UQCRC1: variants seen among roughly 807,000 people sequenced by gnomAD.
UQCRC1 encodes the protein ubiquinol-cytochrome c reductase core protein 1.
UQCRC1 carries 34 observed loss-of-function variants against 58.0 expected under a neutral mutation model. The ratio of observed to expected loss-of-function variants is 0.59; its 90% CI spans 0.45 to 0.78. The LOEUF (loss-of-function observed/expected upper bound fraction) is 0.78. Among genes scored for constraint, UQCRC1 ranks in the 30% least tolerant of loss-of-function variants. The pLI is 0.00. For missense variants in UQCRC1, 610 were observed against 646.0 expected, an observed-to-expected ratio of 0.94 and a Z score of 0.60; for synonymous variants, 276 against 248.8, an observed-to-expected ratio of 1.11 and a Z score of -1.03.
rs1247567527 is a variant in UQCRC1 at position 48,601,333 on chromosome 3, T to C, written c.822+19A>G. Reference sequence around the variant, plus strand: ...CAGGCCCCCAGCTGAGCACTACTCCTGCCCAAAAGGCAGCATACCTCACTG... The same window carrying C: ...CAGGCCCCCAGCTGAGCACTACTCCCGCCCAAAAGGCAGCATACCTCACTG... On this transcript the variant is annotated intron_variant, in intron 7 of 12. Coordinates refer to ENST00000203407, the MANE Select transcript of UQCRC1 (RefSeq NM_003365.3). The C allele has an allele frequency of 6.2e-7, 1 of 1,613,388 alleles. No homozygotes were observed. The highest frequency in any genetic ancestry group is 8.5e-7 in the Non-Finnish European group (1 of 1,179,650).
At chr3:48,606,667 C>G (rs1170843136) in intron 2 of UQCRC1, among the ~76,000 whole-genome samples, 1 of 151,646 alleles carries the variant, frequency 6.6e-6, no homozygotes, top group Non-Finnish European at 1.5e-5. Context: ...TTGCTTGAAC[C>G]CAAGAGGCAG....
Position 48,600,515 on chromosome 3 carries a change from T to A in UQCRC1, c.1180A>T (p.Ile394Phe), listed in dbSNP as rs573593325. 2.5e-6 allele frequency: 4 copies of A among 1,613,970 alleles called. No individual in the cohort carries two copies. Among genetic ancestry groups the A allele is most frequent in the Non-Finnish European group, 3.4e-6 (4 of 1,180,024 alleles). Residue 394 changes from isoleucine (I) to phenylalanine (F), a missense_variant, in exon 10 of 13, where the codon ATC becomes TTC. By Grantham distance (21) the Ile-to-Phe change is conservative. Transcript: ENST00000203407. ...TGAGATACCAGGGCATTTCTGAGGA[T>A]GTTTTTGCCCCGGGCCACCTCACTC... Reference protein sequence around the residue: ...TESEVARGKNILRNALVSHLD... With the variant: ...TESEVARGKNFLRNALVSHLD...
rs778642518 is a variant in UQCRC1, at chr3:48,604,418, C to T, written c.441G>A (p.Leu147=). 2 of 1,613,986 alleles carry T rather than the reference C, an allele frequency of 1.2e-6. No individual in the cohort carries two copies. Among genetic ancestry groups the T allele is most frequent in the Non-Finnish European group, 1.7e-6 (2 of 1,179,946 alleles). The change falls in exon 5 of 13, where the codon CTG becomes CTA. Residue 147 remains leucine (L), a synonymous_variant. Transcript: ENST00000203407. ...GACTACAGTTCTGCACAATGTCACCCAGGAGCTCCACAGCTAGATGCAAGG... is the reference window on the plus strand; with the variant it reads ...GACTACAGTTCTGCACAATGTCACCTAGGAGCTCCACAGCTAGATGCAAGG... The part of the protein sequence containing the change: ...SKDLPKAVEL[L]GDIVQNCSLE...
chr3:48,604,692 G>T lies in UQCRC1; in HGVS notation c.386C>A (p.Thr129Lys). ...GGACAGCGCCTTGATGTAGTAAGCT[G>T]TGTGCTCCCGGGTGCTGTAGGCATT... ...HLNAYSTREH[T>K]AYYIKALSKD... Residue 129 changes from threonine (T) to lysine (K), a missense_variant, in exon 4 of 13, where the codon ACA becomes AAA. Thr to Lys is a moderately conservative substitution (Grantham distance 78, BLOSUM62 -1). Transcript: ENST00000203407. The T allele has an allele frequency of 6.2e-7, 1 of 1,614,156 alleles. No homozygotes were observed. The highest frequency in any genetic ancestry group is 8.5e-7 in the Non-Finnish European group (1 of 1,180,026).
chr3:48,603,456 C>T, intron 6 of UQCRC1, 108 bp downstream of exon 6: 2 of 1,078,408 alleles, frequency 1.9e-6, no homozygotes, highest in African/African-American at 1.6e-5. Context: ...AGGGTGGGAG[C>T]AGAGTCCCCT....
chr3:48,603,464 C>T (rs919604101), intron 6 of UQCRC1, 100 bp downstream of exon 6: 2 of 1,197,170 alleles, frequency 1.7e-6, no homozygotes, highest in African/African-American at 1.5e-5. Flanking sequence ...AGCAGAGTCC[C>T]CTGGGGTGAA....
Position 48,604,274 on chromosome 3 carries a change from T to G in UQCRC1, c.585A>C (p.Thr195=). 6.2e-7 allele frequency: 1 copy of G among 1,613,240 alleles called. No homozygotes were observed. Among genetic ancestry groups the G allele is most frequent in the East Asian group, 2.2e-5 (1 of 44,870 alleles). Residue 195 remains threonine, a synonymous_variant, in exon 5 of 13, where the codon ACA becomes ACC. Coordinates refer to ENST00000203407, the MANE Select transcript of UQCRC1 (RefSeq NM_003365.3). ...NYLHATAFQG[T]PLAQAVEGPS... is the part of the protein sequence containing the mutation. ...GCCCCTCCACAGCCTGGGCTAGAGG[T>G]GTGCCCTGGAATGCTGTGGCATGCA...
chr3:48,604,137 AC>A (rs2046390128), intron 5 of UQCRC1, 95 bp downstream of exon 5: 1 of 1,368,508 alleles, frequency 7.3e-7, no homozygotes, highest in African/African-American at 1.4e-5. Context: ...CAGGAAAATA[AC>A]CCCGACAGCT....
chr3:48,603,239 T>C (rs1488230659), intron 6 of UQCRC1, among the ~76,000 whole-genome samples: 2 of 152,074 alleles, frequency 1.3e-5, no homozygotes, highest in African/African-American at 2.4e-5. Context: ...AATGGCTGGC[T>C]CTCCCAAGGG....
chr3:48,609,426 C>T (rs1394451809), intron 1 of UQCRC1, 124 bp from the exon 2 acceptor site: 1 of 1,511,318 alleles, frequency 6.6e-7, no homozygotes, highest in African/African-American at 1.4e-5. Flanking sequence ...CCCCGCCCTC[C>T]GCCGTGACCT....
chr3:48,603,232 G>A (rs1399619754), intron 6 of UQCRC1, among the ~76,000 whole-genome samples: 3 of 152,180 alleles, frequency 2.0e-5, no homozygotes, highest in Non-Finnish European at 4.4e-5. Flanking sequence ...CACAACTAAT[G>A]GCTGGCTCTC....
In UQCRC1 at chr3:48,609,253, T is replaced by C. The variant is rs1433103401; in HGVS notation, c.119A>G (p.Gln40Arg). Residue 40 changes from glutamine to arginine, a missense_variant, in exon 2 of 13, where the codon CAG becomes CGG. Transcript: ENST00000203407. The stretch of plus-strand genomic sequence containing the variant: ...CGTCTCCGGCACGAACTGGAGCGCC[T>C]GAGCGAAGGTTGCCGTACTCCGCAA... Reference protein sequence around the residue: ...PALRSTATFAQALQFVPETQV... With the variant: ...PALRSTATFARALQFVPETQV... 16 of 1,612,400 alleles carry C rather than the reference T, an allele frequency of 9.9e-6. No homozygotes were observed. Among genetic ancestry groups the C allele is most frequent in the Non-Finnish European group, 1.4e-5 (16 of 1,179,414 alleles).
In UQCRC1 at chr3:48,604,566, A is replaced by G. The variant is rs915061148; in HGVS notation, c.427+85T>C. 3.1e-6 allele frequency: 5 copies of G among 1,600,500 alleles called. No homozygotes were observed. The African/African-American group carries it at 6.7e-5, about 21-fold the overall frequency. On this transcript the variant is annotated intron_variant, in intron 4 of 12. Coordinates refer to ENST00000203407, the MANE Select transcript of UQCRC1 (RefSeq NM_003365.3). ...TGCAAAGCCATACGCTAAGGGTAAT[A>G]TGATTCTGTGGTCAGCCAGGGGCTC...
chr3:48,599,900 C>T (rs1260270567), intron 11 of UQCRC1, among the ~76,000 whole-genome samples, 163 bp downstream of exon 11: 1 of 152,210 alleles, frequency 6.6e-6, no homozygotes, highest in Non-Finnish European at 1.5e-5. Context: ...GCCATCAGCA[C>T]CTATGCCCTG....
intron 3 of UQCRC1, among the ~76,000 whole-genome samples, chr3:48,605,191 G>T (rs1414725319): frequency 4.6e-5 from 7 of 152,214 alleles, no homozygotes; most frequent in African/African-American, 1.7e-4. Context: ...GTATGTTTGT[G>T]AATACATGCT....
In UQCRC1 at chr3:48,599,781, C is replaced by G. The variant is rs982064680; in HGVS notation, c.1303-71G>C. Reference sequence around the variant, plus strand: ...ACCACCTCAGCCAGTCAGCATCATCCAACTAGCAGAGATCTCCCACAGGCA... The same window carrying G: ...ACCACCTCAGCCAGTCAGCATCATCGAACTAGCAGAGATCTCCCACAGGCA... On this transcript the variant is annotated intron_variant, in intron 11 of 12. Coordinates refer to ENST00000203407, the MANE Select transcript of UQCRC1 (RefSeq NM_003365.3). The G allele has an allele frequency of 2.0e-6, 3 of 1,486,170 alleles. No homozygotes were observed. The East Asian group carries it at 6.8e-5, about 34-fold the overall frequency. 92.1% of individuals were successfully genotyped at this position (1,486,170 alleles called of 1,614,324 possible). A position where few individuals can be genotyped will look rare whatever the true frequency, so the allele number is the denominator to read the frequency against.
chr3:48,609,279 G>A lies in UQCRC1; in HGVS notation c.93C>T (p.Ala31=), dbSNP rs140003987. Residue 31 remains alanine, a synonymous_variant, in exon 2 of 13, where the codon GCC becomes GCT. Coordinates refer to ENST00000203407, the MANE Select transcript of UQCRC1 (RefSeq NM_003365.3). ...GAGCGAAGGTTGCCGTACTCCGCAA[G>A]GCTGGCGTCCGCAGCAGGGCCGGCT... The part of the protein sequence containing the change: ...RRSPALLRTP[A]LRSTATFAQA... The A allele has an allele frequency of 5.2e-5, 83 of 1,610,436 alleles. No individual in the cohort carries two copies. The highest frequency in any genetic ancestry group is 5.9e-5 in the Non-Finnish European group (70 of 1,178,054).
intron 2 of UQCRC1, among the ~76,000 whole-genome samples, chr3:48,606,462 C>G (rs2046413581): frequency 6.6e-6 from 1 of 152,148 alleles, no homozygotes; most frequent in Non-Finnish European, 1.5e-5. Context: ...GAAACACGCA[C>G]CACAGGCTGG....
At position 48,599,650 on chromosome 3, in the gene UQCRC1, CTGGGCACTGGTCATAGATGT is replaced by C; in HGVS notation, c.1343_1362del (p.Tyr448CysfsTer9). 6.2e-7 allele frequency: 1 copy of C among 1,613,956 alleles called. No individual in the cohort carries two copies. The highest frequency in any genetic ancestry group is 8.5e-7 in the Non-Finnish European group (1 of 1,179,970). ...GGCCACTTACCATATCCAGCCACTG[CTGGGCACTGGTCATAGATGT>C]ACTTGGAGCAGATCTCACGTACCAC... On this transcript the variant is annotated frameshift_variant, in exon 12 of 13. Transcript: ENST00000203407. LOFTEE classifies it high-confidence loss of function.
Sources: allele counts gnomAD v4.1 joint callset (sites outside exome capture counted in the v4.1 genomes callset), GRCh38; gene constraint gnomAD v4.1.1; transcripts MANE v1.5; gene names NCBI Gene and HGNC (gene_info 2026-07-23, HGNC 2026-07-21).